The following NAB1 variants were observed in gnomAD, a reference collection of about 807,000 sequenced individuals.
NAB1 encodes NGFI-A binding protein 1, also known as NGFI-A-binding protein 1.
NAB1 carries 25 observed loss-of-function variants against 49.9 expected under a neutral mutation model. The ratio of observed to expected loss-of-function variants is 0.50; its 90% CI spans 0.37 to 0.70. NAB1 has a LOEUF of 0.70. NAB1 is among the 30% of genes least tolerant of loss of function. The pLI, the probability that NAB1 is intolerant of heterozygous loss-of-function variation, is 0.00. For missense variants in NAB1, 489 were observed against 575.9 expected (o/e 0.85, Z 1.54); for synonymous variants, 198 against 215.6 (o/e 0.92, Z 0.71).
rs1432827707 is a variant in NAB1, at chr2:190,669,100, G to A, written c.820-1226G>A. Among the ~76,000 whole-genome samples, 1 of 152,228 alleles carries A rather than the reference G, an allele frequency of 6.6e-6. No individual in the cohort carries two copies. Among genetic ancestry groups the A allele is most frequent in the African/African-American group, 2.4e-5 (1 of 41,456 alleles). ...TGACTGAGATGGCCACCAAGTGACT[G>A]ACAGCCAGGAGTATAGACAGTGTAG... is the stretch of plus-strand genomic sequence containing the variant. On this transcript the variant is annotated intron_variant, in intron 4 of 9. Coordinates refer to ENST00000337386, the MANE Select transcript of NAB1 (RefSeq NM_005966.4). This position sits in a 1 kb window ranked among gnomAD's most constrained non-coding sequence, Gnocchi z 4.3.
In NAB1 at chr2:190,659,035, C is replaced by A; in HGVS notation, c.-19-123C>A. The A allele has an allele frequency of 1.6e-6, 1 of 640,634 alleles. No homozygotes were observed. Among genetic ancestry groups the A allele is most frequent in the Non-Finnish European group, 2.7e-6 (1 of 377,060 alleles). The allele number at this position is 640,634 out of a possible 1,614,324, so 39.7% of individuals were successfully genotyped here. On this transcript the variant is annotated intron_variant, in intron 3 of 9. Coordinates refer to ENST00000337386, the MANE Select transcript of NAB1 (RefSeq NM_005966.4). The surrounding 1 kb of genome is among the most constrained non-coding windows in gnomAD (Gnocchi z 6.2). ...AAGTATGTAGAGAGAATGCTGCCTT[C>A]ACAGGCAGTCACGATGCAGATGCTT...
rs1363588557 is a variant in NAB1, at chr2:190,690,227, G to T, written c.1376-18G>T. Reference sequence around the variant, plus strand: ...ATTGATTAAAATATCAACTCACTTTGTTTCCATTTTTATGTAGAGAGCCTT... The same window carrying T: ...ATTGATTAAAATATCAACTCACTTTTTTTCCATTTTTATGTAGAGAGCCTT... On this transcript the variant is annotated intron_variant, in intron 9 of 9. Coordinates refer to ENST00000337386, the MANE Select transcript of NAB1 (RefSeq NM_005966.4). 1.3e-6 allele frequency: 2 copies of T among 1,559,404 alleles called. No individual in the cohort carries two copies. Among genetic ancestry groups the T allele is most frequent in the Non-Finnish European group, 1.8e-6 (2 of 1,132,762 alleles).
At position 190,679,542 on chromosome 2, in the gene NAB1, G is replaced by A. The variant is rs996519522; in HGVS notation, c.1006-4196G>A. On this transcript the variant is annotated intron_variant, in intron 6 of 9. Coordinates refer to ENST00000337386, the MANE Select transcript of NAB1 (RefSeq NM_005966.4). This position sits in a 1 kb window ranked among gnomAD's most constrained non-coding sequence, Gnocchi z 5.3. ...AGTATTCTCATGGTTGAATAATCCT[G>A]ACTTTAGTGCCACCAGGTATTTGTA... Among the ~76,000 whole-genome samples, 4 of 152,142 alleles carry A rather than the reference G, an allele frequency of 2.6e-5. No individual in the cohort carries two copies. Among genetic ancestry groups the A allele is most frequent in the Admixed American group, 1.3e-4 (2 of 15,280 alleles).
chr2:190,659,640 T>C lies in NAB1; in HGVS notation c.464T>C (p.Val155Ala), dbSNP rs146572537. 68 of 1,614,038 alleles carry C rather than the reference T, an allele frequency of 4.2e-5. No individual in the cohort carries two copies. The highest frequency in any genetic ancestry group is 4.1e-4 in the African/African-American group (31 of 75,044). ...DVVGSLALQS[V>A]GESRLWQGHH... The stretch of plus-strand genomic sequence containing the variant: ...GTTGGGAGCCTAGCACTGCAGAGTG[T>C]TGGTGAGTCCAGACTCTGGCAAGGC... The change falls in exon 4 of 10, where the codon GTT (valine) becomes GCT (alanine). Residue 155 changes from valine (V) to alanine (A), a missense_variant. Transcript: ENST00000337386. This position sits in a 1 kb window ranked among gnomAD's most constrained non-coding sequence, Gnocchi z 6.2.
In NAB1 at chr2:190,692,282, A is replaced by G. The variant is rs1204014077; in HGVS notation, c.*1949A>G. 6 of 152,580 alleles carry G rather than the reference A, an allele frequency of 3.9e-5. No individual in the cohort carries two copies. The highest frequency in any genetic ancestry group is 7.4e-5 in the Non-Finnish European group (5 of 68,026). The allele number at this position is 152,580 out of a possible 1,614,324, so 9.5% of individuals were successfully genotyped here. On this transcript the variant is annotated 3_prime_UTR_variant, in exon 10 of 10. Transcript: ENST00000337386. This position sits in a 1 kb window ranked among gnomAD's most constrained non-coding sequence, Gnocchi z 5.2. The stretch of plus-strand genomic sequence containing the variant: ...TCAAGTTTGTAGATTTTCATAAGCC[A>G]CAATTTTAAAAGATGCAGTAATCTT...
At position 190,677,927 on chromosome 2, in the gene NAB1, G is replaced by A. The variant is rs1451532253; in HGVS notation, c.1005+4775G>A. Among the ~76,000 whole-genome samples the A allele has an allele frequency of 1.3e-5, 2 of 152,192 alleles. No homozygotes were observed. The highest frequency in any genetic ancestry group is 3.8e-4 in the East Asian group (2 of 5,206). ...CCTTTCCTCCTAGTACCGTGTGAAGGGCGAAATGTGTGCAGGACTGGTAGT... is the reference window on the plus strand; with the variant it reads ...CCTTTCCTCCTAGTACCGTGTGAAGAGCGAAATGTGTGCAGGACTGGTAGT... On this transcript the variant is annotated intron_variant, in intron 6 of 9. Coordinates refer to ENST00000337386, the MANE Select transcript of NAB1 (RefSeq NM_005966.4). The surrounding 1 kb of genome is among the most constrained non-coding windows in gnomAD (Gnocchi z 5.6).
chr2:190,658,961 T>C lies in NAB1; in HGVS notation c.-19-197T>C, dbSNP rs189021842. ...ATTTATTCTCTTTTGGGAAAGTACG[T>C]CAGTTTAGTTACTGACCTATAAGGT... On this transcript the variant is annotated intron_variant, in intron 3 of 9. Transcript: ENST00000337386. The C allele has an allele frequency of 1.1e-4, 50 of 464,470 alleles. No individual in the cohort carries two copies. In the East Asian group the frequency reaches 1.6e-3, roughly 15 times the overall value. 28.8% of individuals were successfully genotyped at this position (464,470 alleles called of 1,614,324 possible). A position where few individuals can be genotyped will look rare whatever the true frequency, so the allele number is the denominator to read the frequency against.
chr2:190,662,449 G>A lies in NAB1; in HGVS notation c.819+2454G>A, dbSNP rs536648122. Among the ~76,000 whole-genome samples the A allele has an allele frequency of 7.5e-4, 113 of 150,286 alleles. 1 individual carries two copies. The highest frequency in any genetic ancestry group is 2.7e-3 in the African/African-American group (109 of 40,722). On this transcript the variant is annotated intron_variant, in intron 4 of 9. Coordinates refer to ENST00000337386, the MANE Select transcript of NAB1 (RefSeq NM_005966.4). ...CCTACAGCCTGGCTAAGTACAGTCT[G>A]TTTTATAGGTGTCAGATTGTGAAGA...
chr2:190,661,803 CTTG>C (rs1160774117), intron 4 of NAB1, among the ~76,000 whole-genome samples: 3 of 152,104 alleles, frequency 2.0e-5, no homozygotes, highest in African/African-American at 7.2e-5. Flanking sequence ...CTTAGGCCTT[CTTG>C]TTACTTGTAC....
rs1424096194 is a variant in NAB1 at position 190,659,919 on chromosome 2, A to C, written c.743A>C (p.Glu248Ala). Residue 248 changes from glutamate (E) to alanine (A), a missense_variant, in exon 4 of 10, where the codon GAA (glutamate) becomes GCA (alanine). Transcript: ENST00000337386. This position sits in a 1 kb window ranked among gnomAD's most constrained non-coding sequence, Gnocchi z 6.2. ...GATGATGATCCACACAAAGAGGAGG[A>C]AATTCGGAAATACAGTGCAATATAT... is the stretch of plus-strand genomic sequence containing the variant. ...MNDDDPHKEE[E>A]IRKYSAIYGR... 2.5e-6 allele frequency: 4 copies of C among 1,614,136 alleles called. No homozygotes were observed. The highest frequency in any genetic ancestry group is 3.4e-6 in the Non-Finnish European group (4 of 1,180,054).
intron 9 of NAB1, among the ~76,000 whole-genome samples, chr2:190,688,242 C>G (rs1695718750): frequency 6.6e-6 from 1 of 152,152 alleles, no homozygotes; most frequent in Admixed American, 6.5e-5. Context: ...TGTAGTTTTA[C>G]AAGCATTAGG....
intron 5 of NAB1, among the ~76,000 whole-genome samples, chr2:190,672,881 T>C (rs1694886177): frequency 1.3e-5 from 2 of 152,274 alleles, no homozygotes; most frequent in South Asian, 4.2e-4. Flanking sequence ...TAGTGGCCTT[T>C]TAAAATGTAT....
In NAB1 at chr2:190,684,631, A is replaced by G. The variant is rs115867831; in HGVS notation, c.1095+804A>G. On this transcript the variant is annotated intron_variant, in intron 7 of 9. Coordinates refer to ENST00000337386, the MANE Select transcript of NAB1 (RefSeq NM_005966.4). This position sits in a 1 kb window ranked among gnomAD's most constrained non-coding sequence, Gnocchi z 4.6. Reference sequence around the variant, plus strand: ...ATATATTTTACCTACTGATTTTTACATTGTGAATCAGGGCATTTTGTAACC... The same window carrying G: ...ATATATTTTACCTACTGATTTTTACGTTGTGAATCAGGGCATTTTGTAACC... Among the ~76,000 whole-genome samples, 431 of 152,288 alleles carry G rather than the reference A, an allele frequency of 2.8e-3. 2 individuals carry two copies. Among genetic ancestry groups the G allele is most frequent in the African/African-American group, 0.01 (419 of 41,566 alleles).
At chr2:190,655,028 A>C (rs546322054) in intron 2 of NAB1, among the ~76,000 whole-genome samples, 1 of 152,350 alleles carries the variant, frequency 6.6e-6, no homozygotes, top group Admixed American at 6.5e-5. Flanking sequence ...GGAATGCCAA[A>C]TTACAGTTCA....
rs936342206 is a variant in NAB1, at chr2:190,678,849, A to G, written c.1006-4889A>G. Reference sequence around the variant, plus strand: ...CTATTCATACAGAAAGTGTGATTAGAAAAAAGGAAAATGCACATGTGGGGT... The same window carrying G: ...CTATTCATACAGAAAGTGTGATTAGGAAAAAGGAAAATGCACATGTGGGGT... On this transcript the variant is annotated intron_variant, in intron 6 of 9. Coordinates refer to ENST00000337386, the MANE Select transcript of NAB1 (RefSeq NM_005966.4). The surrounding 1 kb of genome is among the most constrained non-coding windows in gnomAD (Gnocchi z 4.9). 1.3e-5 allele frequency among the ~76,000 whole-genome samples: 2 copies of G among 152,242 alleles called. No homozygotes were observed. Among genetic ancestry groups the G allele is most frequent in the African/African-American group, 4.8e-5 (2 of 41,466 alleles).
Position 190,659,837 on chromosome 2 carries a change from C to G in NAB1, c.661C>G (p.Leu221Val). 6.2e-7 allele frequency: 1 copy of G among 1,614,202 alleles called. No homozygotes were observed. The highest frequency in any genetic ancestry group is 8.5e-7 in the Non-Finnish European group (1 of 1,180,034). The part of the protein sequence containing the change: ...PKSDLNEVKE[L>V]LKTNKKLAKM... ...AAGTGACTTGAATGAAGTGAAAGAG[C>G]TGCTAAAAACCAACAAGAAGTTGGC... Residue 221 changes from leucine to valine, a missense_variant, in exon 4 of 10, where the codon CTG becomes GTG. By Grantham distance (32) the Leu-to-Val change is conservative. Transcript: ENST00000337386. This position sits in a 1 kb window ranked among gnomAD's most constrained non-coding sequence, Gnocchi z 6.2.
chr2:190,660,178 A>G (rs920545749), intron 4 of NAB1, among the ~76,000 whole-genome samples, 183 bp downstream of exon 4: 2 of 152,260 alleles, frequency 1.3e-5, no homozygotes, highest in African/African-American at 4.8e-5. Flanking sequence ...TGTTCAGGGT[A>G]TATTTGTATT....
Position 190,691,950 on chromosome 2 carries a change from C to T in NAB1, c.*1617C>T, listed in dbSNP as rs1053183858. On this transcript the variant is annotated 3_prime_UTR_variant, in exon 10 of 10. Transcript: ENST00000337386. This position sits in a 1 kb window ranked among gnomAD's most constrained non-coding sequence, Gnocchi z 4.1. ...AGAAGTACTTTACAGTAGGAAACGC[C>T]AGTAAACAACTTTTATACTGTTAAA... 6.6e-6 allele frequency: 1 copy of T among 152,578 alleles called. No homozygotes were observed. The highest frequency in any genetic ancestry group is 2.4e-5 in the African/African-American group (1 of 41,446). The allele number at this position is 152,578 out of a possible 1,614,324, so 9.5% of individuals were successfully genotyped here.
intron 9 of NAB1, 45 bp from the exon 10 acceptor site, chr2:190,690,200 C>A (rs1411478768): frequency 3.1e-6 from 4 of 1,293,234 alleles, no homozygotes; most frequent in African/African-American, 2.9e-5. Context: ...TTTTTGTAGT[C>A]CATTGATTAA....
Sources: gnomAD v4.1 joint callset for allele counts (sites outside exome capture counted in the v4.1 genomes callset) on GRCh38, gnomAD v4.1.1 for gene constraint, Gnocchi (gnomAD v3.1) non-coding constraint, MANE v1.5 for transcripts, NCBI Gene and HGNC (gene_info 2026-07-23, HGNC 2026-07-21) for gene names.